Variants in SPON1 observed in about 807,000 individuals in gnomAD.
The protein encoded by SPON1 is spondin 1.
SPON1 carries 52 observed loss-of-function variants against 111.7 expected under a neutral mutation model. The ratio of observed to expected loss-of-function variants is 0.47; its 90% CI spans 0.37 to 0.59. SPON1 has a LOEUF of 0.59. Among genes scored for constraint, SPON1 ranks in the 20% least tolerant of loss-of-function variants. The pLI is 0.00. For missense variants in SPON1, 957 were observed against 1,068.5 expected (o/e 0.90, Z 1.46); for synonymous variants, 410 against 395.8 (o/e 1.04, Z -0.43).
intron 13 of SPON1, among the ~76,000 whole-genome samples, chr11:14,260,301 A>G (rs1014256116): frequency 6.6e-6 from 1 of 152,098 alleles, no homozygotes; most frequent in South Asian, 2.1e-4. Context: ...CCCTGCTAAG[A>G]TCCTCAGTGG....
chr11:14,176,384 G>A (rs1232143762), intron 6 of SPON1, among the ~76,000 whole-genome samples: 4 of 152,076 alleles, frequency 2.6e-5, no homozygotes, highest in Non-Finnish European at 4.4e-5. Flanking sequence ...TCCAAAGCCA[G>A]GACTCTTCCT....
chr11:14,239,384 C>T (rs1201697443), intron 6 of SPON1, among the ~76,000 whole-genome samples: 8 of 152,172 alleles, frequency 5.3e-5, no homozygotes, highest in African/African-American at 1.7e-4. Context: ...CCTCTTTTTA[C>T]CCTATTTCAC....
chr11:14,132,991 G>A (rs1170517528), intron 5 of SPON1, among the ~76,000 whole-genome samples: 1 of 152,220 alleles, frequency 6.6e-6, no homozygotes, highest in East Asian at 1.9e-4. Flanking sequence ...GGGAAATAAA[G>A]TAATTGAATT....
rs557376803 is a variant in SPON1 at position 14,091,326 on chromosome 11, G to C, written c.676+11305G>C. The stretch of plus-strand genomic sequence containing the variant: ...GCCTGCCAGTCCCGTGCCGAGCGCT[G>C]GCATTCCTCAGCCCTTGGGTGGTCG... On this transcript the variant is annotated intron_variant, in intron 5 of 15. Transcript: ENST00000576479. 1.3e-4 allele frequency among the ~76,000 whole-genome samples: 19 copies of C among 150,452 alleles called. No individual in the cohort carries two copies. The South Asian group carries it at 3.8e-3, about 30-fold the overall frequency.
chr11:14,196,157 C>G (rs1039961085), intron 6 of SPON1, among the ~76,000 whole-genome samples: 3 of 152,132 alleles, frequency 2.0e-5, no homozygotes, highest in Non-Finnish European at 4.4e-5. Context: ...GCGATGTGTC[C>G]TCTAATACCA....
chr11:14,021,005 G>A (rs967331612), intron 2 of SPON1, among the ~76,000 whole-genome samples: 3 of 152,168 alleles, frequency 2.0e-5, no homozygotes, highest in Admixed American at 6.5e-5. Context: ...TTACATGTAT[G>A]TTTAAAAGAT....
intron 2 of SPON1, among the ~76,000 whole-genome samples, chr11:13,997,102 T>C (rs552862221): frequency 6.6e-6 from 1 of 152,344 alleles, no homozygotes; most frequent in East Asian, 1.9e-4. Flanking sequence ...AGTTTCTCTC[T>C]CTGTACATAC....
chr11:14,254,274 C>T (rs1298012450), intron 7 of SPON1, among the ~76,000 whole-genome samples: 1 of 152,218 alleles, frequency 6.6e-6, no homozygotes. Flanking sequence ...GAGCAAGACT[C>T]TGTCTCTGAA....
chr11:14,157,401 G>A (rs1554930490), intron 6 of SPON1, among the ~76,000 whole-genome samples: 2 of 152,130 alleles, frequency 1.3e-5, no homozygotes, highest in African/African-American at 4.8e-5. Flanking sequence ...GAAGTCATCT[G>A]TCAGTCTTAT....
In SPON1 at chr11:14,259,249, A is replaced by G. The variant is rs572302038; in HGVS notation, c.1493-31A>G. On this transcript the variant is annotated intron_variant, in intron 11 of 15. Coordinates refer to ENST00000576479, the MANE Select transcript of SPON1 (RefSeq NM_006108.4). The surrounding 1 kb of genome is among the most constrained non-coding windows in gnomAD (Gnocchi z 5.0). The stretch of plus-strand genomic sequence containing the variant: ...CTGGCAGGCGCCCCTGCCACCGTGC[A>G]CTGCTGCAGCGTTCACTCGGTGTGT... The G allele has an allele frequency of 3.8e-6, 6 of 1,572,268 alleles. No individual in the cohort carries two copies. The African/African-American group carries it at 4.0e-5, about 11-fold the overall frequency.
At chr11:14,255,855 T>C in intron 9 of SPON1, 68 bp downstream of exon 9, 2 of 1,531,644 alleles carry the variant, frequency 1.3e-6, no homozygotes, top group Non-Finnish European at 8.9e-7. Flanking sequence ...TTGTACACCC[T>C]TCTGCTCTAG....
At chr11:13,995,838 C>T (rs1410852823) in intron 2 of SPON1, among the ~76,000 whole-genome samples, 1 of 152,158 alleles carries the variant, frequency 6.6e-6, no homozygotes, top group East Asian at 1.9e-4. Flanking sequence ...CTATATGTGA[C>T]ATGGAGTCAA....
rs115172728 is a variant in SPON1, at chr11:14,135,369, G to A, written c.677-51G>A. The A allele has an allele frequency of 1.3e-3, 2,078 of 1,578,058 alleles. 23 individuals are homozygous for A. The African/African-American group carries it at 0.025, about 19-fold the overall frequency. On this transcript the variant is annotated intron_variant, in intron 5 of 15. Coordinates refer to ENST00000576479, the MANE Select transcript of SPON1 (RefSeq NM_006108.4). The surrounding 1 kb of genome is among the most constrained non-coding windows in gnomAD (Gnocchi z 4.4). ...ATCCTCCCCATCATTTAAGGGACTC[G>A]TGTTTCAGCCACAGCCATGCTGATA...
chr11:14,121,371 C>T (rs990055445), intron 5 of SPON1, among the ~76,000 whole-genome samples: 1 of 152,070 alleles, frequency 6.6e-6, no homozygotes, highest in Non-Finnish European at 1.5e-5. Context: ...TGAATGCCCC[C>T]CAGCAATTGT....
chr11:14,177,745 C>T (rs1279432376), intron 6 of SPON1, among the ~76,000 whole-genome samples: 6 of 152,166 alleles, frequency 3.9e-5, no homozygotes, highest in Non-Finnish European at 8.8e-5. Context: ...GGGCTGTTAT[C>T]GTCTTTGTTT....
chr11:14,164,654 G>C (rs375403837), intron 6 of SPON1, among the ~76,000 whole-genome samples: 3 of 152,190 alleles, frequency 2.0e-5, no homozygotes, highest in East Asian at 3.8e-4. Flanking sequence ...GATTCATCAC[G>C]ACAGGGGCAT....
intron 7 of SPON1, 58 bp downstream of exon 7, chr11:14,243,454 C>A: frequency 2.1e-6 from 3 of 1,422,296 alleles, no homozygotes; most frequent in Non-Finnish European, 2.9e-6. Flanking sequence ...CTCAAAGCCA[C>A]CTACCTAATG....
chr11:14,184,806 G>A (rs775825468), intron 6 of SPON1, among the ~76,000 whole-genome samples: 48 of 152,176 alleles, frequency 3.2e-4, no homozygotes, highest in Non-Finnish European at 6.5e-4. Flanking sequence ...AAAACAACAG[G>A]CCTATTTGCC....
intron 6 of SPON1, among the ~76,000 whole-genome samples, chr11:14,171,836 A>T (rs1848105353): frequency 6.6e-6 from 1 of 152,102 alleles, no homozygotes; most frequent in African/African-American, 2.4e-5. Flanking sequence ...TTCTAGTTGG[A>T]TTGCACTGTG....
Sources: gnomAD v4.1 joint callset for allele counts (sites outside exome capture counted in the v4.1 genomes callset) on GRCh38, gnomAD v4.1.1 for gene constraint, Gnocchi (gnomAD v3.1) non-coding constraint, MANE v1.5 for transcripts, NCBI Gene and HGNC (gene_info 2026-07-23, HGNC 2026-07-21) for gene names.